Variants in LCORL observed in about 807,000 individuals in gnomAD.
LCORL encodes ligand-dependent nuclear receptor corepressor-like protein.
Under a neutral mutation model 141.8 loss-of-function variants are expected in LCORL, and 41 were observed. The ratio of observed to expected loss-of-function variants is 0.29; its 90% confidence interval spans 0.23 to 0.38. LCORL has a LOEUF of 0.38. LCORL is among the 10% of genes least tolerant of loss of function. The pLI is 1.00. For missense variants in LCORL, 1,759 were observed against 2,035.0 expected, an observed-to-expected ratio of 0.86 and a Z score of 2.61; for synonymous variants, 618 against 694.1, an observed-to-expected ratio of 0.89 and a Z score of 1.72.
intron 7 of LCORL, among the ~76,000 whole-genome samples, chr4:17,872,905 G>T (rs1164122731): frequency 2.0e-5 from 3 of 152,044 alleles, no homozygotes; most frequent in Admixed American, 1.3e-4. Context: ...ATTATCCTAG[G>T]ATATGTTACA....
chr4:18,020,839 G>C (rs79924398), intron 1 of LCORL: 4,875 of 152,500 alleles, frequency 0.032, 108 homozygotes, highest in African/African-American at 0.06. Context: ...AGCAGACGGG[G>C]GGGAGGGTGT....
chr4:17,976,582 A>AT, intron 1 of LCORL, among the ~76,000 whole-genome samples: 1 of 152,198 alleles, frequency 6.6e-6, no homozygotes, highest in African/African-American at 2.4e-5. Flanking sequence ...CTTACTTAAA[A>AT]ACATTTTAAA....
chr4:18,000,732 A>G (rs774939343), intron 1 of LCORL, among the ~76,000 whole-genome samples: 5 of 152,246 alleles, frequency 3.3e-5, no homozygotes, highest in Non-Finnish European at 7.3e-5. Flanking sequence ...CTGTGTTAAA[A>G]AGTGAGAATA....
intron 1 of LCORL, among the ~76,000 whole-genome samples, chr4:18,009,521 C>T (rs1297474170): frequency 6.6e-6 from 1 of 152,000 alleles, no homozygotes; most frequent in Non-Finnish European, 1.5e-5. Context: ...TCCCTTTACC[C>T]TCAGGCTCTA....
intron 4 of LCORL, among the ~76,000 whole-genome samples, chr4:17,958,054 T>C (rs1414501417): frequency 6.6e-6 from 1 of 152,068 alleles, no homozygotes; most frequent in East Asian, 1.9e-4. Flanking sequence ...ATTTATATCA[T>C]GCTAGAGTAC....
At chr4:17,904,053 A>T (rs1411564349) in intron 5 of LCORL, among the ~76,000 whole-genome samples, 1 of 149,570 alleles carries the variant, frequency 6.7e-6, no homozygotes, top group Non-Finnish European at 1.5e-5. Context: ...TGTTGCAGAT[A>T]AAAAAAATAT....
At chr4:17,880,081 T>C (rs1375399009) in intron 6 of LCORL, among the ~76,000 whole-genome samples, 1 of 150,944 alleles carries the variant, frequency 6.6e-6, no homozygotes, top group East Asian at 1.9e-4. Flanking sequence ...TTCAATTTAT[T>C]AATAATGGAA....
intron 4 of LCORL, among the ~76,000 whole-genome samples, chr4:17,954,800 G>C (rs776041634): frequency 6.6e-6 from 1 of 152,184 alleles, no homozygotes; most frequent in Non-Finnish European, 1.5e-5. Flanking sequence ...CTTTCAGCTT[G>C]ACCAACTGAG....
At chr4:17,890,795 T>C (rs1334122102) in intron 5 of LCORL, among the ~76,000 whole-genome samples, 1 of 151,844 alleles carries the variant, frequency 6.6e-6, no homozygotes, top group Non-Finnish European at 1.5e-5. Flanking sequence ...ATGGCCACAT[T>C]GGGCAATTTC....
intron 4 of LCORL, among the ~76,000 whole-genome samples, chr4:17,934,396 A>G (rs1383208997): frequency 2.0e-5 from 3 of 152,124 alleles, no homozygotes; most frequent in Non-Finnish European, 4.4e-5. Flanking sequence ...TTGAAAATTA[A>G]AACAAAACAA....
chr4:17,899,020 T>C (rs969628056), intron 5 of LCORL, among the ~76,000 whole-genome samples: 25 of 152,220 alleles, frequency 1.6e-4, no homozygotes, highest in Admixed American at 5.9e-4. Flanking sequence ...GTGACAGGTG[T>C]GAATCACATG....
intron 6 of LCORL, chr4:17,883,484 T>C: frequency 8.1e-7 from 1 of 1,230,722 alleles, no homozygotes; most frequent in Non-Finnish European, 1.0e-6. Flanking sequence ...ATACAAACTA[T>C]CAGAATTAAG....
At chr4:17,866,290 A>T (rs1725641634) in intron 7 of LCORL, among the ~76,000 whole-genome samples, 1 of 152,144 alleles carries the variant, frequency 6.6e-6, no homozygotes. Context: ...CTCTTCCTTC[A>T]CTTGGTAAAA....
chr4:17,849,615 G>A (rs777818617), intron 7 of LCORL, among the ~76,000 whole-genome samples: 16 of 152,146 alleles, frequency 1.1e-4, no homozygotes, highest in African/African-American at 2.4e-4. Context: ...AAAGCAGAGC[G>A]CCTCTCCTCC....
chr4:17,913,637 A>G (rs549473670), intron 4 of LCORL, among the ~76,000 whole-genome samples: 56 of 152,368 alleles, frequency 3.7e-4, no homozygotes, highest in African/African-American at 1.3e-3. Flanking sequence ...AAGCTTCACC[A>G]GGGTGTCCGC....
chr4:17,847,834 A>G (rs1723114610), intron 7 of LCORL, among the ~76,000 whole-genome samples: 1 of 152,208 alleles, frequency 6.6e-6, no homozygotes, highest in East Asian at 1.9e-4. Context: ...AGTTTGATGT[A>G]CACCTTTTTG....
chr4:17,885,122 G>C, intron 6 of LCORL, among the ~76,000 whole-genome samples: 1 of 151,760 alleles, frequency 6.6e-6, no homozygotes, highest in Non-Finnish European at 1.5e-5. Flanking sequence ...AATCCTAAAG[G>C]AGTTTTTGTT....
chr4:17,882,439 C>T (rs1577319487), intron 6 of LCORL: 2 of 984,492 alleles, frequency 2.0e-6, no homozygotes, highest in African/African-American at 1.8e-5. Context: ...GATACTTTGA[C>T]CCATATTTTA....
chr4:17,847,915 G>A, intron 7 of LCORL, among the ~76,000 whole-genome samples: 1 of 152,106 alleles, frequency 6.6e-6, no homozygotes, highest in East Asian at 1.9e-4. Flanking sequence ...AGTATAGTAA[G>A]TATTAAACTC....
Sources: allele counts gnomAD v4.1 joint callset (sites outside exome capture counted in the v4.1 genomes callset), GRCh38; gene constraint gnomAD v4.1.1; transcripts MANE v1.5; gene names NCBI Gene and HGNC (gene_info 2026-07-23, HGNC 2026-07-21).